Variants in TMEM269 observed in about 807,000 individuals in gnomAD.
TMEM269 encodes the protein transmembrane protein 269.
In TMEM269, 12 loss-of-function variants were observed where a neutral mutation model predicts 15.8. The observed-to-expected ratio is 0.76, with a 90% CI of 0.49 to 1.23. The LOEUF is 1.23. Among genes scored for constraint, TMEM269 ranks in the 50% most tolerant of loss-of-function variants. TMEM269 has a pLI of 0.00. For missense variants in TMEM269, 211 were observed against 245.4 expected, an observed-to-expected ratio of 0.86 and a Z score of 0.94; for synonymous variants, 93 against 99.3, an observed-to-expected ratio of 0.94 and a Z score of 0.38.
rs1005145395 is a variant in TMEM269 at position 42,788,016 on chromosome 1, G to A, written c.-98-1780G>A. Reference sequence around the variant, plus strand: ...TTTGGAGGGGCTCTGGCATACGAACGTCTTAGGAATCCCAATGGCTCTGGC... The same window carrying A: ...TTTGGAGGGGCTCTGGCATACGAACATCTTAGGAATCCCAATGGCTCTGGC... On this transcript the variant is annotated intron_variant, in intron 1 of 5. Coordinates refer to ENST00000637012, the MANE Select transcript of TMEM269 (RefSeq NM_001354602.2). This position sits in a 1 kb window ranked among gnomAD's most constrained non-coding sequence, Gnocchi z 4.0. The A allele has an allele frequency of 3.3e-5, 5 of 152,416 alleles. No homozygotes were observed. Among genetic ancestry groups the A allele is most frequent in the South Asian group, 2.1e-4 (1 of 4,838 alleles). 9.4% of individuals were successfully genotyped at this position (152,416 alleles called of 1,614,324 possible).
chr1:42,796,540 T>C (rs967332001), intron 5 of TMEM269: 1 of 18,006 alleles, frequency 5.6e-5, no homozygotes, highest in African/African-American at 2.7e-4. Flanking sequence ...ATGAAATACT[T>C]TTTTTTTTTT....
rs1245420157 is a variant in TMEM269 at position 42,798,128 on chromosome 1, CTCTG to C, written c.520_523del (p.Ser174LeufsTer5). The C allele has an allele frequency of 7.1e-6, 11 of 1,550,982 alleles. No homozygotes were observed. The highest frequency in any genetic ancestry group is 5.9e-5 in the Admixed American group (3 of 50,992). ...ATCATGCTGTTTTTCTCCCCATTGT[CTCTG>C]TCTGCTTTTTACTGCCTGATGTGGT... On this transcript the variant is annotated frameshift_variant, in exon 6 of 6. Transcript: ENST00000637012. LOFTEE classifies it high-confidence loss of function.
intron 5 of TMEM269, among the ~76,000 whole-genome samples, chr1:42,794,892 A>C (rs887574547): frequency 1.3e-5 from 2 of 152,198 alleles, no homozygotes; most frequent in Non-Finnish European, 2.9e-5. Flanking sequence ...AATGTTAATA[A>C]GTTCAATAGA....
chr1:42,796,971 G>T (rs957862165), intron 5 of TMEM269, among the ~76,000 whole-genome samples: 4 of 151,876 alleles, frequency 2.6e-5, no homozygotes, highest in African/African-American at 9.7e-5. Context: ...TAAGAGTCAA[G>T]CAGAAGTGGG....
At chr1:42,792,285 A>G (rs905358716) in intron 2 of TMEM269, among the ~76,000 whole-genome samples, 2 of 152,228 alleles carry the variant, frequency 1.3e-5, no homozygotes, top group African/African-American at 2.4e-5. Flanking sequence ...AAAATAATCA[A>G]TCCCTTAAAA....
intron 4 of TMEM269, 43 bp downstream of exon 4, chr1:42,793,787 C>T: frequency 6.5e-7 from 1 of 1,535,628 alleles, no homozygotes; most frequent in Non-Finnish European, 8.8e-7. Context: ...GGCAGGGGAG[C>T]ACAGAACGGG....
chr1:42,796,244 C>A (rs1276990252), intron 5 of TMEM269, among the ~76,000 whole-genome samples: 9 of 152,144 alleles, frequency 5.9e-5, no homozygotes, highest in African/African-American at 2.2e-4. Flanking sequence ...TAGTGTTCTT[C>A]GCTCCTGTAG....
In TMEM269 at chr1:42,789,947, C is replaced by A; in HGVS notation, c.41+13C>A. The A allele has an allele frequency of 6.5e-7, 1 of 1,541,034 alleles. No homozygotes were observed. Among genetic ancestry groups the A allele is most frequent in the Non-Finnish European group, 8.8e-7 (1 of 1,138,462 alleles). On this transcript the variant is annotated intron_variant, in intron 2 of 5. Coordinates refer to ENST00000637012, the MANE Select transcript of TMEM269 (RefSeq NM_001354602.2). ...TCAGCTTCAGCAGGTAGGTCTGGGG[C>A]CCAGCAAGCTCTTAGCCAAGAGCTG...
chr1:42,789,686 T>A (rs2124213134), intron 1 of TMEM269, 110 bp from the exon 2 acceptor site: 1 of 815,864 alleles, frequency 1.2e-6, no homozygotes, highest in Admixed American at 2.1e-5. Context: ...TGAAACAGAA[T>A]GTAGGGAGGG....
In TMEM269 at chr1:42,794,416, TC is replaced by T. The variant is rs891729723; in HGVS notation, c.291del (p.Ser98ProfsTer21). 2 of 1,549,700 alleles carry T rather than the reference TC, an allele frequency of 1.3e-6. No individual in the cohort carries two copies. Among genetic ancestry groups the T allele is most frequent in the Admixed American group, 2.0e-5 (1 of 50,912 alleles). On this transcript the variant is annotated frameshift_variant, in exon 5 of 6. Coordinates refer to ENST00000637012, the MANE Select transcript of TMEM269 (RefSeq NM_001354602.2). LOFTEE classifies it high-confidence loss of function. ...SFHLCFYSPGVPSTYKGLPCP... is the reference protein window; with the variant it reads ...SFHLCFYSPGXPSTYKGLPCP... ...TCTCCAGCGTTCTTCCTGGCAGGAG[TC>T]CCCTCCACATACAAGGGTCTACCCT...
At position 42,798,732 on chromosome 1, in the gene TMEM269, G is replaced by GATTTTTT. The variant is rs1653833649; in HGVS notation, c.*507_*508insATTTTTT. On this transcript the variant is annotated 3_prime_UTR_variant, in exon 6 of 6. Transcript: ENST00000637012. ...GGATTTTGTAACTTCAACATTCTGG[G>GATTTTTT]TTTTTTTTTTTTTTTTTTTTTTTTT... The GATTTTTT allele has an allele frequency of 1.2e-5, 1 of 82,294 alleles. No individual in the cohort carries two copies. The highest frequency in any genetic ancestry group is 5.4e-5 in the African/African-American group (1 of 18,472). The allele number at this position is 82,294 out of a possible 1,614,324, so 5.1% of individuals were successfully genotyped here. A position where few individuals can be genotyped will look rare whatever the true frequency, so the allele number is the denominator to read the frequency against.
At position 42,797,734 on chromosome 1, in the gene TMEM269, G is replaced by A. The variant is rs973612022; in HGVS notation, c.485-364G>A. On this transcript the variant is annotated intron_variant, in intron 5 of 5. Coordinates refer to ENST00000637012, the MANE Select transcript of TMEM269 (RefSeq NM_001354602.2). The surrounding 1 kb of genome is among the most constrained non-coding windows in gnomAD (Gnocchi z 4.9). Reference sequence around the variant, plus strand: ...GCATACATATCATACTGCATTGGTCGTTATCACATGTTAAATTTAAAACAA... The same window carrying A: ...GCATACATATCATACTGCATTGGTCATTATCACATGTTAAATTTAAAACAA... 3 of 469,800 alleles carry A rather than the reference G, an allele frequency of 6.4e-6. No individual in the cohort carries two copies. The highest frequency in any genetic ancestry group is 2.0e-5 in the African/African-American group (1 of 50,008). The allele number at this position is 469,800 out of a possible 1,614,324, so 29.1% of individuals were successfully genotyped here. A position where few individuals can be genotyped will look rare whatever the true frequency, so the allele number is the denominator to read the frequency against.
At chr1:42,795,114 G>A (rs550846546) in intron 5 of TMEM269, among the ~76,000 whole-genome samples, 24 of 152,328 alleles carry the variant, frequency 1.6e-4, no homozygotes, top group African/African-American at 5.3e-4. Flanking sequence ...CTTCAGGCTG[G>A]CATGATCTGA....
chr1:42,798,104 T>C lies in TMEM269; in HGVS notation c.491T>C (p.Ile164Thr), dbSNP rs187370287. 1 of 1,551,174 alleles carries C rather than the reference T, an allele frequency of 6.4e-7. No individual in the cohort carries two copies. Among genetic ancestry groups the C allele is most frequent in the East Asian group, 2.4e-5 (1 of 40,916 alleles). ...GCACTTTTTGTTCTTCCAGGTGTCA[T>C]CATGCTGTTTTTCTCCCCATTGTCT... ...WKKLVYIGGV[I>T]MLFFSPLSLS... The change falls in exon 6 of 6, where the codon ATC becomes ACC. Residue 164 changes from isoleucine (I) to threonine (T), a missense_variant. Coordinates refer to ENST00000637012, the MANE Select transcript of TMEM269 (RefSeq NM_001354602.2).
chr1:42,797,781 A>G lies in TMEM269; in HGVS notation c.485-317A>G. ...ACAATGAGGAAGATTTTTTTTTCCT[A>G]ACAAGGGTTTTTGGTTTTTGTCTTG... On this transcript the variant is annotated intron_variant, in intron 5 of 5. Transcript: ENST00000637012. This position sits in a 1 kb window ranked among gnomAD's most constrained non-coding sequence, Gnocchi z 4.9. 1 of 516,190 alleles carries G rather than the reference A, an allele frequency of 1.9e-6. No individual in the cohort carries two copies. Among genetic ancestry groups the G allele is most frequent in the Non-Finnish European group, 3.9e-6 (1 of 258,414 alleles). The allele number at this position is 516,190 out of a possible 1,614,324, so 32.0% of individuals were successfully genotyped here.
chr1:42,798,734 T>TTTTTA lies in TMEM269; in HGVS notation c.*513_*514insATTTT. On this transcript the variant is annotated 3_prime_UTR_variant, in exon 6 of 6. Coordinates refer to ENST00000637012, the MANE Select transcript of TMEM269 (RefSeq NM_001354602.2). ...ATTTTGTAACTTCAACATTCTGGGT[T>TTTTTA]TTTTTTTTTTTTTTTTTTTTTTTTT... 1 of 71,578 alleles carries TTTTTA rather than the reference T, an allele frequency of 1.4e-5. No homozygotes were observed. Among genetic ancestry groups the TTTTTA allele is most frequent in the Admixed American group, 1.4e-4 (1 of 6,942 alleles). 4.4% of individuals were successfully genotyped at this position (71,578 alleles called of 1,614,324 possible).
In TMEM269 at chr1:42,797,692, C is replaced by A. The variant is rs1653810804; in HGVS notation, c.485-406C>A. ...TCTGAGGATAGCAGTCTCAGGCCTG[C>A]ACGTAAACTCTTTTCTGCATACATA... On this transcript the variant is annotated intron_variant, in intron 5 of 5. Coordinates refer to ENST00000637012, the MANE Select transcript of TMEM269 (RefSeq NM_001354602.2). This position sits in a 1 kb window ranked among gnomAD's most constrained non-coding sequence, Gnocchi z 4.9. The A allele has an allele frequency of 2.5e-6, 1 of 404,232 alleles. No homozygotes were observed. The highest frequency in any genetic ancestry group is 1.9e-5 in the South Asian group (1 of 52,672). 25.0% of individuals were successfully genotyped at this position (404,232 alleles called of 1,614,324 possible). A position where few individuals can be genotyped will look rare whatever the true frequency, so the allele number is the denominator to read the frequency against.
chr1:42,785,928 C>G (rs1462609571), intron 1 of TMEM269, among the ~76,000 whole-genome samples: 1 of 152,254 alleles, frequency 6.6e-6, no homozygotes, highest in Admixed American at 6.5e-5. Flanking sequence ...GCTGCCTCCT[C>G]TACCAGACTC....
chr1:42,794,611 G>A lies in TMEM269; in HGVS notation c.482G>A (p.Gly161Glu). The change falls in exon 5 of 6, where the codon GGA becomes GAA. Residue 161 changes from glycine to glutamate, a missense_variant and splice_region_variant. By Grantham distance (98) the Gly-to-Glu change is moderately conservative. Transcript: ENST00000637012. ...SENWKKLVYIGGVIMLFFSPL... is the reference protein window; with the variant it reads ...SENWKKLVYIEGVIMLFFSPL... Reference sequence around the variant, plus strand: ...AACTGGAAAAAATTGGTTTATATAGGAGGTGAGTGAAAATGTCACTATGGC... The same window carrying A: ...AACTGGAAAAAATTGGTTTATATAGAAGGTGAGTGAAAATGTCACTATGGC... 1 of 1,549,096 alleles carries A rather than the reference G, an allele frequency of 6.5e-7. No homozygotes were observed. The highest frequency in any genetic ancestry group is 8.7e-7 in the Non-Finnish European group (1 of 1,145,550).
Sources: gnomAD v4.1 joint callset for allele counts (sites outside exome capture counted in the v4.1 genomes callset) on GRCh38, gnomAD v4.1.1 for gene constraint, Gnocchi (gnomAD v3.1) non-coding constraint, MANE v1.5 for transcripts, NCBI Gene and HGNC (gene_info 2026-07-23, HGNC 2026-07-21) for gene names.